The following ARID4B variants were observed in gnomAD, a reference collection of about 807,000 sequenced individuals.
ARID4B encodes the protein AT-rich interactive domain-containing protein 4B.
In ARID4B, 26 loss-of-function variants were observed where a neutral mutation model predicts 147.5. That is an observed-to-expected ratio of 0.18 (90% CI 0.13 to 0.24). The LOEUF is 0.24. Ranked by LOEUF, ARID4B falls within the 10% of genes least tolerant of loss-of-function variation. The probability of loss-of-function intolerance (pLI) is 1.00; values close to 1 mark genes in which losing one functional copy is unlikely to be tolerated. For missense variants in ARID4B, 1,179 were observed against 1,511.5 expected (o/e 0.78, Z 3.65); for synonymous variants, 512 against 507.9 (o/e 1.01, Z -0.11).
chr1:235,315,078 T>C (rs1187014465), intron 2 of ARID4B, among the ~76,000 whole-genome samples: 1 of 152,142 alleles, frequency 6.6e-6, no homozygotes, highest in Non-Finnish European at 1.5e-5. Context: ...AATTTATCTA[T>C]AAACTAGAGA....
intron 2 of ARID4B, among the ~76,000 whole-genome samples, chr1:235,308,511 C>T (rs1673748943): frequency 2.0e-5 from 3 of 147,128 alleles, no homozygotes; most frequent in Admixed American, 6.8e-5. Flanking sequence ...TCCACGGTCT[C>T]CCTCTGATGC....
chr1:235,268,803 T>C (rs1181716583), intron 2 of ARID4B, among the ~76,000 whole-genome samples: 2 of 152,134 alleles, frequency 1.3e-5, no homozygotes, highest in African/African-American at 4.8e-5. Flanking sequence ...CTCTCTCCAT[T>C]ATAAGGAATT....
At chr1:235,248,383 A>G (rs1669435450) in intron 6 of ARID4B, among the ~76,000 whole-genome samples, 1 of 152,136 alleles carries the variant, frequency 6.6e-6, no homozygotes, top group Admixed American at 6.6e-5. Context: ...ATTAACTCCT[A>G]TGGTGAAAAT....
rs34808765 is a variant in ARID4B at position 235,176,437 on chromosome 1, C to CAAAAAAAAAAAAAAAAAAAAAAAA, written c.3449-1062_3449-1039dup. Among the ~76,000 whole-genome samples the CAAAAAAAAAAAAAAAAAAAAAAAA allele has an allele frequency of 2.7e-4, 6 of 22,532 alleles. 1 individual carries two copies. The highest frequency in any genetic ancestry group is 6.0e-4 in the African/African-American group (6 of 10,072). The allele number at this position is 22,532 out of a possible 152,430, so 14.8% of individuals were successfully genotyped here. ...CTGATTTTTCACTTAACAACATCAC[C>CAAAAAAAAAAAAAAAAAAAAAAAA]AAAAAAAAAAAAAAAAAAAAAAAAA... On this transcript the variant is annotated intron_variant, in intron 21 of 23. Transcript: ENST00000264183.
rs576601352 is a variant in ARID4B, at chr1:235,260,367, C to G, written c.117+275G>C. 1.5e-3 allele frequency among the ~76,000 whole-genome samples: 226 copies of G among 152,306 alleles called. 3 individuals are homozygous for G. The highest frequency in any genetic ancestry group is 5.1e-3 in the African/African-American group (211 of 41,554). Reference sequence around the variant, plus strand: ...CTTGTAATAAAATGAAGCAATTAAACTAGATGACTTCTAACTTCCTTTCCA... The same window carrying G: ...CTTGTAATAAAATGAAGCAATTAAAGTAGATGACTTCTAACTTCCTTTCCA... On this transcript the variant is annotated intron_variant, in intron 3 of 23. Coordinates refer to ENST00000264183, the MANE Select transcript of ARID4B (RefSeq NM_016374.6).
chr1:235,294,311 A>ATTTTTT (rs5781824), intron 2 of ARID4B, among the ~76,000 whole-genome samples: 3 of 114,106 alleles, frequency 2.6e-5, no homozygotes, highest in Non-Finnish European at 5.3e-5. Context: ...AACCAGCAGC[A>ATTTTTT]TTTTTTTTTT....
chr1:235,306,554 C>G (rs1673582676), intron 2 of ARID4B, among the ~76,000 whole-genome samples: 1 of 151,578 alleles, frequency 6.6e-6, no homozygotes, highest in Non-Finnish European at 1.5e-5. Flanking sequence ...TGAGGATTAA[C>G]TACTATTTAT....
intron 8 of ARID4B, among the ~76,000 whole-genome samples, chr1:235,236,862 A>ATATATT (rs1426582533): frequency 1.1e-4 from 2 of 17,490 alleles, no homozygotes; most frequent in African/African-American, 2.2e-4. Context: ...ATATATATAT[A>ATATATT]TTTTTTTTTT....
chr1:235,277,701 TTAA>T (rs987567155), intron 2 of ARID4B, among the ~76,000 whole-genome samples: 2 of 151,682 alleles, frequency 1.3e-5, no homozygotes, highest in Admixed American at 6.6e-5. Context: ...TTTCAGGATT[TTAA>T]TGGTGGCACT....
chr1:235,181,062 C>A (rs1664279091), intron 20 of ARID4B: 2 of 997,468 alleles, frequency 2.0e-6, no homozygotes, highest in Non-Finnish European at 2.4e-6. Flanking sequence ...AATTCCTTTA[C>A]AAACTCACAC....
intron 2 of ARID4B, among the ~76,000 whole-genome samples, chr1:235,306,695 G>C (rs917824983): frequency 6.6e-6 from 1 of 151,486 alleles, no homozygotes; most frequent in Non-Finnish European, 1.5e-5. Context: ...TCCCTCTGTC[G>C]CCCAGGCTGG....
intron 2 of ARID4B, among the ~76,000 whole-genome samples, chr1:235,293,034 C>G (rs985089975): frequency 1.3e-5 from 2 of 152,184 alleles, no homozygotes; most frequent in South Asian, 2.1e-4. Flanking sequence ...TTCCCAAAAC[C>G]TACAGGGCAG....
chr1:235,172,198 AG>A (rs1409034319), intron 23 of ARID4B, among the ~76,000 whole-genome samples: 1 of 152,226 alleles, frequency 6.6e-6, no homozygotes. Flanking sequence ...AATAAGATAA[AG>A]AAATTAAAGA....
At chr1:235,264,534 A>G (rs1043822879) in intron 2 of ARID4B, among the ~76,000 whole-genome samples, 2 of 152,182 alleles carry the variant, frequency 1.3e-5, no homozygotes, top group African/African-American at 4.8e-5. Context: ...CCTTACACCA[A>G]CTAGATGAGT....
chr1:235,173,772 ATATATATATATATATATATATATATAT>A (rs1444098311), intron 22 of ARID4B, among the ~76,000 whole-genome samples: 1 of 14,684 alleles, frequency 6.8e-5, no homozygotes, highest in East Asian at 3.4e-3. Flanking sequence ...AAAAAAAAAA[ATATATATATATATATATATATATATAT>A]ATATATATAT....
At chr1:235,293,171 A>AC (rs1672449797) in intron 2 of ARID4B, among the ~76,000 whole-genome samples, 1 of 152,222 alleles carries the variant, frequency 6.6e-6, no homozygotes, top group South Asian at 2.1e-4. Flanking sequence ...TATCCTCAGT[A>AC]CCGAAGCGCA....
At chr1:235,168,728 T>C in intron 23 of ARID4B, 76 bp from the exon 24 acceptor site, 2 of 1,471,530 alleles carry the variant, frequency 1.4e-6, no homozygotes, top group South Asian at 1.3e-5. Flanking sequence ...ACTAGTCCTC[T>C]GAACTAAAAT....
At chr1:235,309,661 G>A (rs1183524914) in intron 2 of ARID4B, among the ~76,000 whole-genome samples, 2 of 147,370 alleles carry the variant, frequency 1.4e-5, no homozygotes, top group African/African-American at 2.5e-5. Context: ...CCGCCACCCC[G>A]TCTGGGAGGT....
intron 2 of ARID4B, among the ~76,000 whole-genome samples, chr1:235,273,034 T>C (rs1671092134): frequency 6.6e-6 from 1 of 152,216 alleles, no homozygotes; most frequent in South Asian, 2.1e-4. Flanking sequence ...CCAGATACTC[T>C]GGAGAAATGT....
Sources: allele counts gnomAD v4.1 joint callset (sites outside exome capture counted in the v4.1 genomes callset), GRCh38; gene constraint gnomAD v4.1.1; transcripts MANE v1.5; gene names NCBI Gene and HGNC (gene_info 2026-07-23, HGNC 2026-07-21).